CDC5L: variants seen among roughly 807,000 people sequenced by gnomAD.
CDC5L encodes the protein cell division cycle 5-like protein.
In CDC5L, 18 loss-of-function variants were observed where a neutral mutation model predicts 104.1. That is an observed-to-expected ratio of 0.17 (90% CI 0.12 to 0.26). The LOEUF is 0.26. CDC5L is among the 10% of genes least tolerant of loss of function. The pLI is 1.00. For synonymous variants in CDC5L, 331 were observed against 322.7 expected (o/e 1.03, Z -0.28); for missense variants, 673 against 956.9 (o/e 0.70, Z 3.91).
chr6:44,437,231 T>G (rs1792979847), intron 14 of CDC5L, among the ~76,000 whole-genome samples: 1 of 152,334 alleles, frequency 6.6e-6, no homozygotes, highest in South Asian at 2.1e-4. Flanking sequence ...CATTTCATGC[T>G]TGAGGTTTAT....
rs757463271 is a variant in CDC5L at position 44,387,914 on chromosome 6, C to T, written c.45+46C>T. The T allele has an allele frequency of 4.4e-4, 686 of 1,543,386 alleles. 1 individual carries two copies. Among genetic ancestry groups the T allele is most frequent in the Non-Finnish European group, 5.4e-4 (618 of 1,140,258 alleles). Reference sequence around the variant, plus strand: ...GTCCGCTGCCCGCCGCTCCCTCTAGCAGCTTGTGCGCACGCGCGCGGAGGT... The same window carrying T: ...GTCCGCTGCCCGCCGCTCCCTCTAGTAGCTTGTGCGCACGCGCGCGGAGGT... On this transcript the variant is annotated intron_variant, in intron 1 of 15. Coordinates refer to ENST00000371477, the MANE Select transcript of CDC5L (RefSeq NM_001253.4).
intron 4 of CDC5L, among the ~76,000 whole-genome samples, chr6:44,395,927 T>G (rs979045517): frequency 6.6e-6 from 1 of 152,210 alleles, no homozygotes; most frequent in Non-Finnish European, 1.5e-5. Flanking sequence ...ATTAAATAGT[T>G]TTTACCCTAT....
intron 5 of CDC5L, among the ~76,000 whole-genome samples, chr6:44,400,768 C>A (rs1791085742): frequency 1.3e-5 from 2 of 152,300 alleles, no homozygotes; most frequent in South Asian, 4.2e-4. Context: ...CTCACAGTCA[C>A]CCTGGGATAG....
At chr6:44,440,775 T>C (rs1274476435) in intron 14 of CDC5L, among the ~76,000 whole-genome samples, 3 of 150,920 alleles carry the variant, frequency 2.0e-5, no homozygotes, top group African/African-American at 7.3e-5. Flanking sequence ...TGGTGTGATC[T>C]AGGTTCACTG....
chr6:44,397,887 C>T (rs937167994), intron 5 of CDC5L, among the ~76,000 whole-genome samples: 2 of 152,112 alleles, frequency 1.3e-5, no homozygotes, highest in Admixed American at 6.5e-5. Context: ...TTCTAATAGC[C>T]CAGAAACCAA....
chr6:44,436,290 G>T (rs1176332785), intron 14 of CDC5L, among the ~76,000 whole-genome samples: 1 of 152,124 alleles, frequency 6.6e-6, no homozygotes, highest in Non-Finnish European at 1.5e-5. Flanking sequence ...AAACAATCGG[G>T]TGGCTAAGTT....
Position 44,447,161 on chromosome 6 carries a change from A to G in CDC5L, c.*450A>G, listed in dbSNP as rs1388899105. On this transcript the variant is annotated 3_prime_UTR_variant, in exon 16 of 16. Coordinates refer to ENST00000371477, the MANE Select transcript of CDC5L (RefSeq NM_001253.4). Reference sequence around the variant, plus strand: ...TGGGTAATCAAAATGGTGATGCAGTATCTTAAACACTTAAGAGGCAGTTCT... The same window carrying G: ...TGGGTAATCAAAATGGTGATGCAGTGTCTTAAACACTTAAGAGGCAGTTCT... 1 of 152,460 alleles carries G rather than the reference A, an allele frequency of 6.6e-6. No homozygotes were observed. Among genetic ancestry groups the G allele is most frequent in the Admixed American group, 6.5e-5 (1 of 15,288 alleles). 9.4% of individuals were successfully genotyped at this position (152,460 alleles called of 1,614,324 possible).
chr6:44,402,167 C>G (rs6926412), intron 5 of CDC5L, among the ~76,000 whole-genome samples: 92,631 of 133,606 alleles, frequency 0.69, 34,004 homozygotes, highest in Non-Finnish European at 0.86. Context: ...TGGGTATATA[C>G]CCAGTAATGG....
chr6:44,426,661 A>G lies in CDC5L; in HGVS notation c.1830A>G (p.Ser610=), dbSNP rs760012913. 3.7e-6 allele frequency: 6 copies of G among 1,612,942 alleles called. No homozygotes were observed. In the South Asian group the frequency reaches 6.6e-5, roughly 18 times the overall value. ...GKTVGFGTNN[S]EHITYLEHNP... ...CTGTAGGGTTTGGTACCAATAATTC[A>G]GAGCACATTACCTATCTGGAACATA... The change falls in exon 13 of 16, where the codon TCA becomes TCG. Residue 610 remains serine (S), a synonymous_variant. Coordinates refer to ENST00000371477, the MANE Select transcript of CDC5L (RefSeq NM_001253.4).
In CDC5L at chr6:44,408,745, A is replaced by T. The variant is rs1791492482; in HGVS notation, c.1092+113A>T. 6 of 673,264 alleles carry T rather than the reference A, an allele frequency of 8.9e-6. No homozygotes were observed. In the South Asian group the frequency reaches 1.9e-4, roughly 22 times the overall value. The allele number at this position is 673,264 out of a possible 1,614,324, so 41.7% of individuals were successfully genotyped here. On this transcript the variant is annotated intron_variant, in intron 8 of 15. Coordinates refer to ENST00000371477, the MANE Select transcript of CDC5L (RefSeq NM_001253.4). ...TTTCTTTTAGTGTAAATGGTTTGAA[A>T]CTGAGTCCTGAATGCATAGATCTTG...
intron 5 of CDC5L, among the ~76,000 whole-genome samples, chr6:44,402,463 T>C (rs1791175041): frequency 6.6e-6 from 1 of 152,242 alleles, no homozygotes; most frequent in Admixed American, 6.5e-5. Context: ...TTTTAAAATA[T>C]ATGTAATTTT....
intron 2 of CDC5L, among the ~76,000 whole-genome samples, chr6:44,391,288 G>A (rs529046849): frequency 2.6e-5 from 4 of 151,236 alleles, no homozygotes; most frequent in East Asian, 1.9e-4. Flanking sequence ...TTGCTCTGTC[G>A]CCCAGGCTGG....
intron 5 of CDC5L, among the ~76,000 whole-genome samples, chr6:44,397,374 G>C (rs570216070): frequency 1.3e-5 from 2 of 152,172 alleles, no homozygotes; most frequent in African/African-American, 2.4e-5. Context: ...TTATTAACCC[G>C]TTGGGTGAAT....
At chr6:44,421,201 G>A (rs1222121699) in intron 9 of CDC5L, among the ~76,000 whole-genome samples, 5 of 152,126 alleles carry the variant, frequency 3.3e-5, no homozygotes, top group Non-Finnish European at 4.4e-5. Context: ...AATGCATTTC[G>A]AAGTAACTTG....
At chr6:44,431,279 T>C (rs1792671432) in intron 14 of CDC5L, among the ~76,000 whole-genome samples, 2 of 152,236 alleles carry the variant, frequency 1.3e-5, no homozygotes, top group Admixed American at 1.3e-4. Context: ...AGTTCAGTGC[T>C]GCTAATTATT....
chr6:44,435,153 T>C (rs979790957), intron 14 of CDC5L, among the ~76,000 whole-genome samples: 6 of 144,430 alleles, frequency 4.2e-5, no homozygotes, highest in African/African-American at 1.3e-4. Context: ...TGTTTAAAAC[T>C]AAACTGGGAT....
intron 1 of CDC5L, among the ~76,000 whole-genome samples, chr6:44,389,581 T>G (rs1790501095): frequency 6.6e-6 from 1 of 152,068 alleles, no homozygotes; most frequent in South Asian, 2.1e-4. Context: ...TGAAATGGTA[T>G]CTAGAGATGG....
rs182718189 is a variant in CDC5L, at chr6:44,400,543, G to A, written c.540-3266G>A. Among the ~76,000 whole-genome samples the A allele has an allele frequency of 4.6e-5, 7 of 152,090 alleles. No homozygotes were observed. The East Asian group carries it at 1.2e-3, about 25-fold the overall frequency. ...GCTGGGATTACAGGCACTGTCTACCGTGCCTGGCTAATTTTTGTATTTTTA... is the reference window on the plus strand; with the variant it reads ...GCTGGGATTACAGGCACTGTCTACCATGCCTGGCTAATTTTTGTATTTTTA... On this transcript the variant is annotated intron_variant, in intron 5 of 15. Transcript: ENST00000371477.
Position 44,426,054 on chromosome 6 carries a change from T to G in CDC5L, c.1570-49T>G, listed in dbSNP as rs769438638. ...AAGTGTTTTTAGCTTTACTGAGAGA[T>G]ATCAAATACGCTATAGCTGCAATAA... On this transcript the variant is annotated intron_variant, in intron 11 of 15. Coordinates refer to ENST00000371477, the MANE Select transcript of CDC5L (RefSeq NM_001253.4). 20 of 1,250,174 alleles carry G rather than the reference T, an allele frequency of 1.6e-5. No individual in the cohort carries two copies. In the Middle Eastern group the frequency reaches 1.8e-3, roughly 110 times the overall value. 77.4% of individuals were successfully genotyped at this position (1,250,174 alleles called of 1,614,324 possible). A position where few individuals can be genotyped will look rare whatever the true frequency, so the allele number is the denominator to read the frequency against.
Sources: gnomAD v4.1 joint callset for allele counts (sites outside exome capture counted in the v4.1 genomes callset) on GRCh38, gnomAD v4.1.1 for gene constraint, MANE v1.5 for transcripts, NCBI Gene and HGNC (gene_info 2026-07-23, HGNC 2026-07-21) for gene names.